The following DGKB variants were observed in gnomAD, a reference collection of about 807,000 sequenced individuals.
DGKB encodes the protein 90 kDa diacylglycerol kinase.
A neutral mutation model predicts 114.3 loss-of-function variants in DGKB; 67 were observed. That is an observed-to-expected ratio of 0.59 (90% CI 0.48 to 0.72). DGKB has a LOEUF of 0.72. DGKB is among the 30% of genes least tolerant of loss of function. DGKB has a pLI of 0.00. For synonymous variants in DGKB, 398 were observed against 323.1 expected (o/e 1.23, Z -2.49); for missense variants, 907 against 975.2 (o/e 0.93, Z 0.93).
intron 21 of DGKB, among the ~76,000 whole-genome samples, chr7:14,458,941 A>G (rs1363807895): frequency 6.6e-6 from 1 of 152,200 alleles, no homozygotes; most frequent in Non-Finnish European, 1.5e-5. Context: ...CCAGCAAGCT[A>G]AGATCCACTG....
chr7:14,760,165 C>T (rs1302876655), intron 2 of DGKB, among the ~76,000 whole-genome samples: 1 of 151,958 alleles, frequency 6.6e-6, no homozygotes, highest in Non-Finnish European at 1.5e-5. Context: ...TTGCTTGATG[C>T]CTATACAGCT....
At chr7:14,245,385 C>T (rs1015385083) in intron 23 of DGKB, among the ~76,000 whole-genome samples, 2 of 151,652 alleles carry the variant, frequency 1.3e-5, no homozygotes, top group African/African-American at 2.4e-5. Flanking sequence ...TTAAATATAC[C>T]CTATTGGGAA....
intron 13 of DGKB, among the ~76,000 whole-genome samples, chr7:14,641,497 G>GA (rs71004321): frequency 1.2e-4 from 18 of 147,466 alleles, no homozygotes; most frequent in African/African-American, 2.0e-4. Flanking sequence ...TCTCATTTTG[G>GA]AAAAAAAAAA....
chr7:14,324,735 C>A (rs1316045578), intron 23 of DGKB, among the ~76,000 whole-genome samples: 1 of 152,060 alleles, frequency 6.6e-6, no homozygotes, highest in African/African-American at 2.4e-5. Context: ...TCAGCAATCA[C>A]CACCAAGAAT....
At chr7:14,360,395 T>C (rs1815479192) in intron 21 of DGKB, among the ~76,000 whole-genome samples, 1 of 151,972 alleles carries the variant, frequency 6.6e-6, no homozygotes, top group Admixed American at 6.6e-5. Context: ...CAAGCTAACA[T>C]GGCACATGTA....
chr7:14,747,647 GT>G (rs1408801590), intron 4 of DGKB, among the ~76,000 whole-genome samples: 4 of 151,996 alleles, frequency 2.6e-5, no homozygotes, highest in Non-Finnish European at 5.9e-5. Flanking sequence ...TTTGAAGACT[GT>G]GACCTTTAAA....
At chr7:14,255,591 A>G (rs1210320569) in intron 23 of DGKB, among the ~76,000 whole-genome samples, 4 of 152,188 alleles carry the variant, frequency 2.6e-5, no homozygotes, top group Non-Finnish European at 5.9e-5. Context: ...GGTTAAAATA[A>G]TGCCCTTGCT....
intron 1 of DGKB, among the ~76,000 whole-genome samples, chr7:14,891,433 G>C (rs1193266705): frequency 6.6e-6 from 1 of 151,366 alleles, no homozygotes; most frequent in Non-Finnish European, 1.5e-5. Context: ...AAAAAACAAA[G>C]AACCAGAGAC....
intron 1 of DGKB, among the ~76,000 whole-genome samples, chr7:14,926,601 G>T (rs1332455959): frequency 6.7e-6 from 1 of 149,372 alleles, no homozygotes. Context: ...TTATGTTTTT[G>T]GTTTGTTTTT....
intron 21 of DGKB, among the ~76,000 whole-genome samples, chr7:14,407,684 A>C (rs1824168709): frequency 6.6e-6 from 1 of 152,104 alleles, no homozygotes; most frequent in Non-Finnish European, 1.5e-5. Context: ...TTTCTTTTCT[A>C]ATGAGTTGTA....
chr7:14,315,695 C>T (rs948211639), intron 23 of DGKB, among the ~76,000 whole-genome samples: 5 of 149,792 alleles, frequency 3.3e-5, no homozygotes, highest in African/African-American at 1.3e-4. Context: ...GAGACTTTAA[C>T]ACCCCACTGT....
At chr7:14,400,648 C>T (rs938493881) in intron 21 of DGKB, among the ~76,000 whole-genome samples, 18 of 150,904 alleles carry the variant, frequency 1.2e-4, no homozygotes, top group East Asian at 5.9e-4. Context: ...CAAGTGAATG[C>T]GTTTTATGTA....
At chr7:14,849,763 C>A (rs753985258) in intron 1 of DGKB, among the ~76,000 whole-genome samples, 3 of 152,098 alleles carry the variant, frequency 2.0e-5, no homozygotes, top group Non-Finnish European at 4.4e-5. Context: ...CTGACCAAAC[C>A]TCACCATAAG....
At chr7:14,535,741 C>G (rs1792369267) in intron 20 of DGKB, among the ~76,000 whole-genome samples, 2 of 152,080 alleles carry the variant, frequency 1.3e-5, no homozygotes, top group African/African-American at 4.8e-5. Context: ...GCACCCGCCA[C>G]CACGCCCAGC....
At chr7:14,400,199 C>T (rs1443956643) in intron 21 of DGKB, among the ~76,000 whole-genome samples, 2 of 151,880 alleles carry the variant, frequency 1.3e-5, no homozygotes, top group Middle Eastern at 3.4e-3. Context: ...TTGTGACTCT[C>T]AGTAATGCCA....
At chr7:14,661,435 C>T (rs1256889846) in intron 13 of DGKB, among the ~76,000 whole-genome samples, 1 of 136,524 alleles carries the variant, frequency 7.3e-6, no homozygotes, top group Non-Finnish European at 1.6e-5. Context: ...ATTTATGCAG[C>T]CAAAAAACAC....
intron 25 of DGKB, among the ~76,000 whole-genome samples, chr7:14,165,113 A>C (rs1562509879): frequency 6.6e-6 from 1 of 152,072 alleles, no homozygotes; most frequent in Non-Finnish European, 1.5e-5. Flanking sequence ...CTCCTTCCTT[A>C]CAGATATCCC....
intron 21 of DGKB, among the ~76,000 whole-genome samples, chr7:14,386,051 A>C (rs1427956392): frequency 6.6e-6 from 1 of 152,226 alleles, no homozygotes; most frequent in Non-Finnish European, 1.5e-5. Flanking sequence ...AGTTTCCAGA[A>C]GTAATGGTTG....
intron 2 of DGKB, among the ~76,000 whole-genome samples, chr7:14,829,070 T>C (rs1380741382): frequency 6.6e-6 from 1 of 152,112 alleles, no homozygotes; most frequent in African/African-American, 2.4e-5. Flanking sequence ...TGATGTGTCT[T>C]ATTGAAAGCT....
Sources: gnomAD v4.1 joint callset for allele counts (sites outside exome capture counted in the v4.1 genomes callset) on GRCh38, gnomAD v4.1.1 for gene constraint, MANE v1.5 for transcripts, NCBI Gene and HGNC (gene_info 2026-07-23, HGNC 2026-07-21) for gene names.